WARS1: variants seen among roughly 807,000 people sequenced by gnomAD.
WARS1 encodes tryptophanyl-tRNA synthetase 1.
Under a neutral mutation model 47.8 loss-of-function variants are expected in WARS1, and 17 were observed. The observed-to-expected ratio is 0.36, with a 90% CI of 0.24 to 0.53. WARS1 has a LOEUF of 0.53. WARS1 is among the 20% of genes least tolerant of loss of function. WARS1 has a pLI of 0.91. For missense variants in WARS1, 434 were observed against 608.0 expected (o/e 0.71, Z 3.01); for synonymous variants, 208 against 228.1 (o/e 0.91, Z 0.79).
At chr14:100,346,718 TG>T in intron 7 of WARS1, 27 bp downstream of exon 7, 1 of 1,539,150 alleles carries the variant, frequency 6.5e-7, no homozygotes, top group Non-Finnish European at 9.0e-7. Context: ...GTGCAGGGAG[TG>T]GTCCACAGCA....
At position 100,334,973 on chromosome 14, in the gene WARS1, G is replaced by C; in HGVS notation, c.1318C>G (p.Pro440Ala). The part of the protein sequence containing the change: ...LKKALIEVLQ[P>A]LIAEHQARRK... ...CGGGCCTGGTGCTCTGCGATCAAGG[G>C]CTGCAGAACCTCTATGAGTGCCTTC... Residue 440 changes from proline (P) to alanine (A), a missense_variant, in exon 11 of 11, where the codon CCC (proline) becomes GCC (alanine). Pro to Ala is a conservative substitution (Grantham distance 27, BLOSUM62 -1). This residue lies in a region of WARS1 where 347 missense variants were observed against 523.8 expected (regional missense o/e 0.66). Transcript: ENST00000392882. The C allele has an allele frequency of 1.2e-6, 2 of 1,614,162 alleles. No individual in the cohort carries two copies. Among genetic ancestry groups the C allele is most frequent in the Non-Finnish European group, 1.7e-6 (2 of 1,180,032 alleles).
intron 2 of WARS1, chr14:100,366,811 C>A (rs1896028838): frequency 6.8e-7 from 1 of 1,479,268 alleles, no homozygotes; most frequent in African/African-American, 1.4e-5. Context: ...AGAGTGTTTC[C>A]TTTTTTGATG....
Position 100,356,396 on chromosome 14 carries a change from T to TAGG in WARS1, c.423-1831_423-1830insCCT, listed in dbSNP as rs772938654. Among the ~76,000 whole-genome samples the TAGG allele has an allele frequency of 5.4e-4, 53 of 98,894 alleles. 1 individual carries two copies. Among genetic ancestry groups the TAGG allele is most frequent in the African/African-American group, 1.5e-3 (41 of 27,116 alleles). The allele number at this position is 98,894 out of a possible 152,430, so 64.9% of individuals were successfully genotyped here. ...CAAAGTGACTGGGTGTGTGTGTGTG[T>TAGG]GTGGGGGGGGGTGTGGAATAAAAGA... On this transcript the variant is annotated intron_variant, in intron 4 of 10. Transcript: ENST00000392882.
At chr14:100,351,583 GAC>G (rs2139991326) in intron 6 of WARS1, among the ~76,000 whole-genome samples, 1 of 151,850 alleles carries the variant, frequency 6.6e-6, no homozygotes, top group Non-Finnish European at 1.5e-5. Context: ...CGGCTGCTAT[GAC>G]ACACAGCCAC....
At chr14:100,366,405 G>C (rs1895997607) in intron 2 of WARS1, among the ~76,000 whole-genome samples, 1 of 152,198 alleles carries the variant, frequency 6.6e-6, no homozygotes, top group Non-Finnish European at 1.5e-5. Flanking sequence ...CCCCAATGAA[G>C]AGTGCATCCA....
chr14:100,360,420 T>C (rs1449255121), intron 4 of WARS1, 134 bp downstream of exon 4: 7 of 589,544 alleles, frequency 1.2e-5, no homozygotes, highest in Non-Finnish European at 2.1e-5. Flanking sequence ...GGACAGAGGA[T>C]GGATCTCAGT....
chr14:100,364,330 G>A (rs948170078), intron 2 of WARS1, among the ~76,000 whole-genome samples: 1 of 152,040 alleles, frequency 6.6e-6, no homozygotes, highest in East Asian at 1.9e-4. Flanking sequence ...GAAACTTGCC[G>A]CTTTAATGAG....
chr14:100,338,248 G>C (rs905254277), intron 9 of WARS1, among the ~76,000 whole-genome samples: 1 of 152,124 alleles, frequency 6.6e-6, no homozygotes, highest in Non-Finnish European at 1.5e-5. Context: ...CTTTCAGTGA[G>C]CATCTGAGAA....
intron 6 of WARS1, among the ~76,000 whole-genome samples, chr14:100,348,413 C>T (rs1289961941): frequency 6.6e-6 from 1 of 152,166 alleles, no homozygotes; most frequent in African/African-American, 2.4e-5. Context: ...TGTCTTTCGC[C>T]TAGCAGCCGG....
At chr14:100,336,337 T>G (rs1366203546) in intron 10 of WARS1, among the ~76,000 whole-genome samples, 1 of 150,922 alleles carries the variant, frequency 6.6e-6, no homozygotes, top group Admixed American at 6.6e-5. Flanking sequence ...GGATTTGAAC[T>G]CCTGGGCTCA....
At chr14:100,366,690 G>A (rs1896018517) in intron 2 of WARS1, 8 of 787,436 alleles carry the variant, frequency 1.0e-5, no homozygotes, top group East Asian at 2.4e-5. Context: ...TACAGACAAC[G>A]GAAGACAGAA....
chr14:100,375,559 G>A (rs1896607036), upstream of WARS1: 1 of 152,550 alleles, frequency 6.6e-6, no homozygotes, highest in Admixed American at 6.5e-5. Context: ...GGGGGGCCAG[G>A]TTGAGACCAA....
At chr14:100,337,431 G>A (rs1893822925) in intron 9 of WARS1, among the ~76,000 whole-genome samples, 1 of 152,162 alleles carries the variant, frequency 6.6e-6, no homozygotes, top group African/African-American at 2.4e-5. Flanking sequence ...TGCAGGAGAG[G>A]TGGGGGCAGA....
In WARS1 at chr14:100,360,573, C is replaced by T. The variant is rs758547020; in HGVS notation, c.403G>A (p.Gly135Ser). ...GQRPHHFLRR[G>S]IFFSHRDMNQ... ...CCTGACCTGTGTGAGAAGAAGATGC[C>T]TCTGCGCAGGAAGTGGTGTGGTCTT... Residue 135 changes from glycine to serine, a missense_variant, in exon 4 of 11, where the codon GGC becomes AGC. This residue lies in a region of WARS1 where 347 missense variants were observed against 523.8 expected (regional missense o/e 0.66). Transcript: ENST00000392882. 6.2e-7 allele frequency: 1 copy of T among 1,613,348 alleles called. No individual in the cohort carries two copies. The highest frequency in any genetic ancestry group is 8.5e-7 in the Non-Finnish European group (1 of 1,179,438).
chr14:100,347,107 C>T (rs1894671376), intron 6 of WARS1, among the ~76,000 whole-genome samples: 1 of 152,204 alleles, frequency 6.6e-6, no homozygotes, highest in South Asian at 2.1e-4. Flanking sequence ...GTGAAGCAGA[C>T]ATACAAACAA....
rs1356813227 is a variant in WARS1, at chr14:100,346,762, A to T, written c.810T>A (p.Thr270=). 26 of 1,614,002 alleles carry T rather than the reference A, an allele frequency of 1.6e-5. No homozygotes were observed. The highest frequency in any genetic ancestry group is 2.2e-5 in the Non-Finnish European group (26 of 1,179,958). The part of the protein sequence containing the change: ...FNQVKGIFGF[T]DSDCIGKISF... ...GCCTCTTACCAATGCAGTCGCTGTC[A>T]GTGAAGCCGAAAATGCCTTTCACTT... The change falls in exon 7 of 11, where the codon ACT becomes ACA. Residue 270 remains threonine (T), a synonymous_variant. Coordinates refer to ENST00000392882, the MANE Select transcript of WARS1 (RefSeq NM_004184.4).
intron 6 of WARS1, among the ~76,000 whole-genome samples, chr14:100,350,032 C>G (rs1459141946): frequency 6.6e-6 from 1 of 152,172 alleles, no homozygotes; most frequent in Admixed American, 6.5e-5. Flanking sequence ...AAATGCCTTT[C>G]AAGAAAAGAT....
At chr14:100,349,639 G>T (rs1189004529) in intron 6 of WARS1, among the ~76,000 whole-genome samples, 1 of 152,222 alleles carries the variant, frequency 6.6e-6, no homozygotes, top group Non-Finnish European at 1.5e-5. Context: ...TTGCCCAAGG[G>T]AACAAGACCA....
upstream of WARS1, chr14:100,376,302 G>C: frequency 4.8e-6 from 5 of 1,047,228 alleles, no homozygotes; most frequent in African/African-American, 1.6e-5. Context: ...TCAGCAACCG[G>C]CTGTCTCCTG....
Sources: gnomAD v4.1 joint callset for allele counts (sites outside exome capture counted in the v4.1 genomes callset) on GRCh38, gnomAD v4.1.1 for gene constraint, gnomAD v4.1.1 regional missense constraint, MANE v1.5 for transcripts, NCBI Gene and HGNC (gene_info 2026-07-23, HGNC 2026-07-21) for gene names.